The following PDE9A variants were observed in gnomAD, a reference collection of about 807,000 sequenced individuals.
PDE9A encodes the protein high affinity cGMP-specific 3',5'-cyclic phosphodiesterase 9A.
PDE9A carries 60 observed loss-of-function variants against 87.4 expected under a neutral mutation model. That is an observed-to-expected ratio of 0.69 (90% CI 0.56 to 0.85). The LOEUF (loss-of-function observed/expected upper bound fraction) is 0.85. Ranked by LOEUF, PDE9A falls within the 40% of genes least tolerant of loss-of-function variation. PDE9A has a pLI of 0.00. For synonymous variants in PDE9A, 272 were observed against 279.4 expected (o/e 0.97, Z 0.27); for missense variants, 665 against 779.0 (o/e 0.85, Z 1.74).
intron 9 of PDE9A, 61 bp downstream of exon 9, chr21:42,751,258 C>G (rs1230414480): frequency 8.0e-5 from 97 of 1,211,804 alleles, no homozygotes; most frequent in Non-Finnish European, 8.6e-6. Flanking sequence ...ACGCCCAGCC[C>G]TGTGGCCCTG....
At chr21:42,721,750 A>G (rs1341415565) in intron 4 of PDE9A, among the ~76,000 whole-genome samples, 1 of 152,008 alleles carries the variant, frequency 6.6e-6, no homozygotes, top group Non-Finnish European at 1.5e-5. Flanking sequence ...CCCCTCGCTG[A>G]CAGGGAAGCC....
chr21:42,667,799 C>G (rs2058108864), intron 1 of PDE9A, among the ~76,000 whole-genome samples: 1 of 152,032 alleles, frequency 6.6e-6, no homozygotes, highest in South Asian at 2.1e-4. Flanking sequence ...GGTCCAGGAC[C>G]CCCTGCAGTC....
At chr21:42,753,933 A>C (rs911595183) in intron 9 of PDE9A, 57 bp from the exon 10 acceptor site, 45 of 844,606 alleles carry the variant, frequency 5.3e-5, no homozygotes, top group Non-Finnish European at 8.8e-5. Flanking sequence ...CTCAGCATGC[A>C]CATCACTGTC....
At chr21:42,771,419 G>A (rs920886126) in intron 18 of PDE9A, among the ~76,000 whole-genome samples, 3 of 152,194 alleles carry the variant, frequency 2.0e-5, no homozygotes, top group African/African-American at 7.2e-5. Context: ...TGCTGCCCAT[G>A]GTGTGGCCTC....
At chr21:42,681,444 C>T (rs2059158978) in intron 1 of PDE9A, among the ~76,000 whole-genome samples, 1 of 152,232 alleles carries the variant, frequency 6.6e-6, no homozygotes, top group South Asian at 2.1e-4. Flanking sequence ...GGGAGCCACA[C>T]ACATCTCTGT....
Position 42,653,805 on chromosome 21 carries a change from C to T in PDE9A, c.-10C>T. The T allele has an allele frequency of 6.5e-7, 1 of 1,539,524 alleles. No homozygotes were observed. Among genetic ancestry groups the T allele is most frequent in the East Asian group, 2.7e-5 (1 of 37,518 alleles). On this transcript the variant is annotated 5_prime_UTR_variant, in exon 1 of 20. Transcript: ENST00000291539. ...CAGTAAAAAGTCCGAGTGCAGCCGC[C>T]GGGCGCAGGATGGGATCCGGCTCCT...
In PDE9A at chr21:42,728,129, A is replaced by T. The variant is rs576803243; in HGVS notation, c.263-3641A>T. On this transcript the variant is annotated intron_variant, in intron 4 of 19. Transcript: ENST00000291539. ...ACAGTACAGTATAGCAACTCTTTAC[A>T]TAACATTTACATTGTATTAGGTATT... Among the ~76,000 whole-genome samples, 6 of 152,380 alleles carry T rather than the reference A, an allele frequency of 3.9e-5. No homozygotes were observed. In the East Asian group the frequency reaches 7.7e-4, roughly 20 times the overall value.
intron 4 of PDE9A, among the ~76,000 whole-genome samples, chr21:42,717,611 C>T (rs2050075180): frequency 6.6e-6 from 1 of 151,316 alleles, no homozygotes; most frequent in African/African-American, 2.4e-5. Context: ...AGGTTGGTCT[C>T]GAACTCCTGA....
intron 1 of PDE9A, among the ~76,000 whole-genome samples, chr21:42,662,796 A>G (rs566486391): frequency 3.6e-5 from 5 of 139,650 alleles, no homozygotes; most frequent in South Asian, 4.7e-4. Context: ...CACACCAAGC[A>G]CACACACACC....
rs575852791 is a variant in PDE9A at position 42,773,300 on chromosome 21, G to A, written c.1768+780G>A. Among the ~76,000 whole-genome samples the A allele has an allele frequency of 2.2e-3, 324 of 150,612 alleles. 2 individuals carry two copies. Among genetic ancestry groups the A allele is most frequent in the Middle Eastern group, 0.01 (3 of 288 alleles). ...AAAAAGTGAGGCTCTTAAAGAAGGG[G>A]AACATGCTTTAGTTAATAGAAAAAC... On this transcript the variant is annotated intron_variant, in intron 19 of 19. Transcript: ENST00000291539.
At chr21:42,724,602 C>A in intron 4 of PDE9A, 1 of 985,096 alleles carries the variant, frequency 1.0e-6, no homozygotes, top group South Asian at 4.7e-5. Flanking sequence ...GTTCCGTGAG[C>A]CCACTGTGCT....
chr21:42,687,305 T>C lies in PDE9A; in HGVS notation c.141-612T>C, dbSNP rs189715538. Among the ~76,000 whole-genome samples, 37 of 152,330 alleles carry C rather than the reference T, an allele frequency of 2.4e-4. No homozygotes were observed. The East Asian group carries it at 6.4e-3, about 26-fold the overall frequency. ...TGGTCTGGGGCATCTTTGGGCACCATATATGAAGCAATGTGCCAATAAATA... is the reference window on the plus strand; with the variant it reads ...TGGTCTGGGGCATCTTTGGGCACCACATATGAAGCAATGTGCCAATAAATA... On this transcript the variant is annotated intron_variant, in intron 2 of 19. Transcript: ENST00000291539.
At chr21:42,769,329 G>A (rs1356757922) in intron 17 of PDE9A, among the ~76,000 whole-genome samples, 174 bp downstream of exon 17, 3 of 146,408 alleles carry the variant, frequency 2.0e-5, no homozygotes, top group African/African-American at 7.7e-5. Context: ...ATACACACAC[G>A]CACACAGCTA....
intron 4 of PDE9A, 113 bp downstream of exon 4, chr21:42,699,124 A>G (rs2060303062): frequency 1.4e-6 from 1 of 716,776 alleles, no homozygotes; most frequent in East Asian, 2.6e-5. Flanking sequence ...TTTGAAATAT[A>G]TATGAGTTAC....
In PDE9A at chr21:42,675,213, G is replaced by A. The variant is rs1342688373; in HGVS notation, c.70-10979G>A. Among the ~76,000 whole-genome samples the A allele has an allele frequency of 6.6e-6, 1 of 152,232 alleles. No individual in the cohort carries two copies. Among genetic ancestry groups the A allele is most frequent in the African/African-American group, 2.4e-5 (1 of 41,466 alleles). Reference sequence around the variant, plus strand: ...GCGGTTTCCAATATAGCATTAAATTGTCTTCAAAAACATGATTTTAATGCC... The same window carrying A: ...GCGGTTTCCAATATAGCATTAAATTATCTTCAAAAACATGATTTTAATGCC... On this transcript the variant is annotated intron_variant, in intron 1 of 19. Coordinates refer to ENST00000291539, the MANE Select transcript of PDE9A (RefSeq NM_002606.3). The surrounding 1 kb of genome is among the most constrained non-coding windows in gnomAD (Gnocchi z 4.3).
At chr21:42,740,048 T>C (rs192228538) in intron 7 of PDE9A, among the ~76,000 whole-genome samples, 1 of 152,246 alleles carries the variant, frequency 6.6e-6, no homozygotes, top group Non-Finnish European at 1.5e-5. Context: ...AATAGATATA[T>C]AGATACATAG....
rs2147147622 is a variant in PDE9A, at chr21:42,765,408, G to T, written c.1270G>T (p.Asp424Tyr). The T allele has an allele frequency of 6.2e-7, 1 of 1,609,790 alleles. No homozygotes were observed. The highest frequency in any genetic ancestry group is 1.1e-5 in the South Asian group (1 of 90,908). The change falls in exon 15 of 20, where the codon GAC (aspartate) becomes TAC (tyrosine). Residue 424 changes from aspartate to tyrosine, a missense_variant. Transcript: ENST00000291539. ...AATGATCACATTAATCTTGGCCACT[G>T]ACATGGCAAGACATGCAGAAATTAT... ...QGMITLILAT[D>Y]MARHAEIMDS...
rs1296554812 is a variant in PDE9A at position 42,675,216 on chromosome 21, T to C, written c.70-10976T>C. On this transcript the variant is annotated intron_variant, in intron 1 of 19. Transcript: ENST00000291539. This position sits in a 1 kb window ranked among gnomAD's most constrained non-coding sequence, Gnocchi z 4.3. The stretch of plus-strand genomic sequence containing the variant: ...GTTTCCAATATAGCATTAAATTGTC[T>C]TCAAAAACATGATTTTAATGCCTCT... Among the ~76,000 whole-genome samples, 1 of 152,248 alleles carries C rather than the reference T, an allele frequency of 6.6e-6. No individual in the cohort carries two copies. The highest frequency in any genetic ancestry group is 1.5e-5 in the Non-Finnish European group (1 of 68,054).
chr21:42,708,315 A>AACAGTAAT (rs1242711289), intron 4 of PDE9A, among the ~76,000 whole-genome samples: 2 of 152,210 alleles, frequency 1.3e-5, no homozygotes, highest in African/African-American at 4.8e-5. Flanking sequence ...ATTGATGGCA[A>AACAGTAAT]ACAGTAATAC....
Sources: gnomAD v4.1 joint callset for allele counts (sites outside exome capture counted in the v4.1 genomes callset) on GRCh38, gnomAD v4.1.1 for gene constraint, Gnocchi (gnomAD v3.1) non-coding constraint, MANE v1.5 for transcripts, NCBI Gene and HGNC (gene_info 2026-07-23, HGNC 2026-07-21) for gene names.